The following ARNT2 variants were observed in gnomAD, a reference collection of about 807,000 sequenced individuals.
ARNT2 encodes ARNT protein 2.
A neutral mutation model predicts 91.7 loss-of-function variants in ARNT2; 36 were observed. That is an observed-to-expected ratio of 0.39 (90% CI 0.30 to 0.52). The LOEUF is 0.52. ARNT2 is among the 20% of genes least tolerant of loss of function. The pLI is 0.72. For missense variants in ARNT2, 775 were observed against 939.3 expected (o/e 0.83, Z 2.29); for synonymous variants, 365 against 347.1 (o/e 1.05, Z -0.57).
chr15:80,576,842 T>C, intron 14 of ARNT2, 24 bp from the exon 15 acceptor site: 1 of 1,612,924 alleles, frequency 6.2e-7, no homozygotes, highest in Non-Finnish European at 8.5e-7. Context: ...CCTTCGCATG[T>C]GACTCCTGCT....
intron 17 of ARNT2, among the ~76,000 whole-genome samples, chr15:80,590,257 T>C (rs1247548565): frequency 6.6e-6 from 1 of 152,182 alleles, no homozygotes; most frequent in African/African-American, 2.4e-5. Context: ...GAGAGCCCAT[T>C]ATCTCCAAAA....
At chr15:80,479,632 G>C (rs1201038692) in intron 5 of ARNT2, among the ~76,000 whole-genome samples, 3 of 152,138 alleles carry the variant, frequency 2.0e-5, no homozygotes, top group Non-Finnish European at 2.9e-5. Context: ...CTACTCTTTT[G>C]TTCAAGGCCT....
chr15:80,514,401 A>T lies in ARNT2; in HGVS notation c.873A>T (p.Pro291=). ...HCTGYIKAWP[P]AGMTIPEEDA... is the part of the protein sequence containing the mutation. ...CAGGATACATCAAGGCCTGGCCACC[A>T]GCAGGTAAGGAGACCTGCATGTAAA... The change falls in exon 8 of 19, where the codon CCA becomes CCT. Residue 291 remains proline, a synonymous_variant. Coordinates refer to ENST00000303329, the MANE Select transcript of ARNT2 (RefSeq NM_014862.4). 6.2e-7 allele frequency: 1 copy of T among 1,614,216 alleles called. No individual in the cohort carries two copies. The highest frequency in any genetic ancestry group is 8.5e-7 in the Non-Finnish European group (1 of 1,180,006).
chr15:80,448,851 G>C (rs1255791842), intron 1 of ARNT2, among the ~76,000 whole-genome samples: 1 of 152,216 alleles, frequency 6.6e-6, no homozygotes, highest in Non-Finnish European at 1.5e-5. Flanking sequence ...CGGGCATGGT[G>C]GCGGGCGCCT....
In ARNT2 at chr15:80,580,574, C is replaced by G. The variant is rs189438136; in HGVS notation, c.1752+25C>G. Reference sequence around the variant, plus strand: ...GGTATGGGCATCTGTGAGGGCATCTCCCCTGGGTGACCAGAGAGGCAGAGC... The same window carrying G: ...GGTATGGGCATCTGTGAGGGCATCTGCCCTGGGTGACCAGAGAGGCAGAGC... On this transcript the variant is annotated intron_variant, in intron 16 of 18. Transcript: ENST00000303329. 596 of 1,613,208 alleles carry G rather than the reference C, an allele frequency of 3.7e-4. 2 individuals are homozygous for G. In the African/African-American group the frequency reaches 5.8e-3, roughly 16 times the overall value.
chr15:80,495,040 C>T (rs780024389), intron 5 of ARNT2, among the ~76,000 whole-genome samples: 58 of 152,094 alleles, frequency 3.8e-4, no homozygotes, highest in African/African-American at 1.2e-3. Context: ...GCCTATTAGT[C>T]GCAATGCTAA....
At chr15:80,506,038 G>A (rs1232516725) in intron 5 of ARNT2, among the ~76,000 whole-genome samples, 1 of 146,868 alleles carries the variant, frequency 6.8e-6, no homozygotes, top group African/African-American at 2.5e-5. Flanking sequence ...CCGGGTTCAT[G>A]CCATTCTCCT....
chr15:80,538,627 A>G (rs913022215), intron 8 of ARNT2, among the ~76,000 whole-genome samples: 1 of 152,172 alleles, frequency 6.6e-6, no homozygotes, highest in Non-Finnish European at 1.5e-5. Context: ...AAATGTTTTT[A>G]TTATTAAATG....
chr15:80,571,291 T>C (rs1199712513), intron 12 of ARNT2, among the ~76,000 whole-genome samples: 1 of 152,214 alleles, frequency 6.6e-6, no homozygotes, highest in African/African-American at 2.4e-5. Flanking sequence ...GGGTTGCTGT[T>C]ATCAGAGGAG....
intron 1 of ARNT2, among the ~76,000 whole-genome samples, chr15:80,448,181 C>T (rs966077400): frequency 1.3e-5 from 2 of 152,174 alleles, no homozygotes; most frequent in African/African-American, 4.8e-5. Context: ...ACACTTTGAC[C>T]TAGAGTAGCC....
At chr15:80,536,495 C>G (rs1399175617) in intron 8 of ARNT2, among the ~76,000 whole-genome samples, 1 of 152,166 alleles carries the variant, frequency 6.6e-6, no homozygotes, top group Non-Finnish European at 1.5e-5. Context: ...ATGTGTAGCC[C>G]CCAGGTACCC....
Position 80,576,959 on chromosome 15 carries a change from C to T in ARNT2, c.1607C>T (p.Ala536Val), listed in dbSNP as rs775840872. Residue 536 changes from alanine (A) to valine (V), a missense_variant, in exon 15 of 19, where the codon GCC becomes GTC. Physicochemically the swap from Ala to Val is moderately conservative, Grantham distance 64. This residue lies in a region of ARNT2 where 325 missense variants were observed against 359.9 expected (regional missense o/e 0.90). Transcript: ENST00000303329. ...SPFPSGHSGK[A>V]FSSSVVHVPG... ...TTTCCCTCTGGACACTCCGGGAAGG[C>T]CTTCAGGTATGTGCCAGCGAGGGGG... The T allele has an allele frequency of 1.9e-6, 3 of 1,613,998 alleles. No homozygotes were observed. In the South Asian group the frequency reaches 3.3e-5, roughly 18 times the overall value.
intron 5 of ARNT2, among the ~76,000 whole-genome samples, chr15:80,483,049 T>C (rs1896913241): frequency 6.6e-6 from 1 of 152,248 alleles, no homozygotes; most frequent in Admixed American, 6.5e-5. Context: ...TGTCTTATTA[T>C]AGAACTCCAT....
chr15:80,537,708 C>T (rs1897848190), intron 8 of ARNT2, among the ~76,000 whole-genome samples: 1 of 152,170 alleles, frequency 6.6e-6, no homozygotes, highest in Non-Finnish European at 1.5e-5. Flanking sequence ...CCAAAAATTC[C>T]TATGTTGAAG....
chr15:80,414,957 C>T (rs1340029031), intron 1 of ARNT2, among the ~76,000 whole-genome samples: 3 of 152,168 alleles, frequency 2.0e-5, no homozygotes, highest in African/African-American at 7.2e-5. Context: ...CAGTCTCTAA[C>T]ACAGGCAGCA....
intron 5 of ARNT2, among the ~76,000 whole-genome samples, chr15:80,481,068 G>A (rs1194214483): frequency 1.3e-5 from 2 of 152,050 alleles, no homozygotes; most frequent in South Asian, 2.1e-4. Context: ...GCCTGAGCCA[G>A]GTTGGTCCCC....
intron 15 of ARNT2, among the ~76,000 whole-genome samples, chr15:80,577,598 C>T (rs986882313): frequency 2.0e-5 from 3 of 152,206 alleles, no homozygotes; most frequent in Non-Finnish European, 2.9e-5. Context: ...TGGGCACTCA[C>T]CTGTGCCCAC....
chr15:80,422,450 T>C (rs1895873083), intron 1 of ARNT2, among the ~76,000 whole-genome samples: 1 of 152,192 alleles, frequency 6.6e-6, no homozygotes, highest in South Asian at 2.1e-4. Flanking sequence ...ATTGTAAACC[T>C]AGAATTCTAT....
At chr15:80,522,134 A>AAAT (rs911609307) in intron 8 of ARNT2, among the ~76,000 whole-genome samples, 13 of 152,262 alleles carry the variant, frequency 8.5e-5, no homozygotes, top group African/African-American at 3.1e-4. Context: ...TCTTAAATGT[A>AAAT]AATAATAATA....
Sources: allele counts gnomAD v4.1 joint callset (sites outside exome capture counted in the v4.1 genomes callset), GRCh38; gene constraint gnomAD v4.1.1; regional missense constraint gnomAD v4.1.1; transcripts MANE v1.5; gene names NCBI Gene and HGNC (gene_info 2026-07-23, HGNC 2026-07-21).